Variants in TNFSF4 observed in about 807,000 individuals in gnomAD.
TNFSF4 encodes the protein TNF superfamily member 4.
In TNFSF4, 4 loss-of-function variants were observed where a neutral mutation model predicts 7.3. The ratio of observed to expected loss-of-function variants is 0.55; its 90% confidence interval spans 0.27 to 1.25. The LOEUF is 1.25. TNFSF4 is among the 50% of genes most tolerant of loss of function. The pLI, the probability that TNFSF4 is intolerant of heterozygous loss-of-function variation, is 0.12. For synonymous variants in TNFSF4, 76 were observed against 83.7 expected (o/e 0.91, Z 0.50); for missense variants, 181 against 208.8 (o/e 0.87, Z 0.82).
At chr1:173,384,850 ACTACTTAC>A in the TNFSF4 span, among the ~76,000 whole-genome samples, 2 of 152,206 alleles carry the variant, frequency 1.3e-5, no homozygotes, top group South Asian at 4.1e-4. Context: ...TTTATGTGCT[ACTACTTAC>A]CTATGTTAAA....
chr1:173,326,367 C>T, the TNFSF4 span, among the ~76,000 whole-genome samples: 1 of 152,138 alleles, frequency 6.6e-6, no homozygotes, highest in African/African-American at 2.4e-5. Flanking sequence ...GGATGTATCT[C>T]AAAATAATAA....
chr1:173,417,286 T>C, the TNFSF4 span, among the ~76,000 whole-genome samples: 1 of 152,320 alleles, frequency 6.6e-6, no homozygotes, highest in South Asian at 2.1e-4. Context: ...GTGGGAATAA[T>C]GAAATACCCG....
chr1:173,415,715 C>T, the TNFSF4 span, among the ~76,000 whole-genome samples: 1 of 152,216 alleles, frequency 6.6e-6, no homozygotes, highest in Non-Finnish European at 1.5e-5. Context: ...ACAATGGCTC[C>T]CTCACAGGTG....
At chr1:173,449,464 C>T in the TNFSF4 span, among the ~76,000 whole-genome samples, 1 of 151,910 alleles carries the variant, frequency 6.6e-6, no homozygotes, top group South Asian at 2.1e-4. Context: ...AAGAATCCTC[C>T]CACCTTAGTC....
At chr1:173,287,298 G>T in the TNFSF4 span, among the ~76,000 whole-genome samples, 4 of 152,196 alleles carry the variant, frequency 2.6e-5, no homozygotes, top group African/African-American at 9.7e-5. Context: ...TTGTGCCACT[G>T]CACTCCAACC....
the TNFSF4 span, among the ~76,000 whole-genome samples, chr1:173,266,838 C>G: frequency 6.6e-6 from 1 of 152,068 alleles, no homozygotes; most frequent in Non-Finnish European, 1.5e-5. Context: ...TTTGGGGGAT[C>G]CAGGAACTAC....
chr1:173,405,272 C>G, the TNFSF4 span, among the ~76,000 whole-genome samples: 1 of 152,230 alleles, frequency 6.6e-6, no homozygotes, highest in African/African-American at 2.4e-5. Context: ...CACACTAACA[C>G]ACAAAATGGG....
chr1:173,259,817 C>T, the TNFSF4 span, among the ~76,000 whole-genome samples: 1 of 152,020 alleles, frequency 6.6e-6, no homozygotes, highest in Non-Finnish European at 1.5e-5. Context: ...AAGGAATGAA[C>T]AAAACTTCTA....
chr1:173,391,617 C>T, the TNFSF4 span, among the ~76,000 whole-genome samples: 1 of 152,062 alleles, frequency 6.6e-6, no homozygotes, highest in Non-Finnish European at 1.5e-5. Context: ...TCCTCCCACC[C>T]CCTGAGAAAG....
At chr1:173,218,131 G>A in the TNFSF4 span, among the ~76,000 whole-genome samples, 4 of 152,112 alleles carry the variant, frequency 2.6e-5, no homozygotes, top group East Asian at 1.9e-4. Context: ...GGATGATGCC[G>A]TCACACCTCT....
the TNFSF4 span, among the ~76,000 whole-genome samples, chr1:173,313,305 G>C: frequency 2.0e-5 from 3 of 152,086 alleles, no homozygotes; most frequent in African/African-American, 7.2e-5. Context: ...CATTTTAATA[G>C]AAAGTTTAAA....
the TNFSF4 span, among the ~76,000 whole-genome samples, chr1:173,370,375 C>T: frequency 1.3e-5 from 2 of 152,198 alleles, no homozygotes; most frequent in African/African-American, 2.4e-5. Context: ...AGCAAGCCAT[C>T]CCCAGTATGG....
chr1:173,202,698 TA>T (rs1218223593), intron 1 of TNFSF4, among the ~76,000 whole-genome samples: 1 of 152,180 alleles, frequency 6.6e-6, no homozygotes, highest in Non-Finnish European at 1.5e-5. Context: ...CGTGTTCCTT[TA>T]GCATGATTCA....
chr1:173,223,473 G>T, the TNFSF4 span, among the ~76,000 whole-genome samples: 1 of 151,732 alleles, frequency 6.6e-6, no homozygotes, highest in Admixed American at 6.6e-5. Flanking sequence ...ATAAGCTAAA[G>T]AAAATAGTGA....
chr1:173,396,359 A>G, the TNFSF4 span, among the ~76,000 whole-genome samples: 1 of 152,024 alleles, frequency 6.6e-6, no homozygotes, highest in Admixed American at 6.6e-5. Flanking sequence ...AAAATTTTAA[A>G]AATTAGCCAG....
At chr1:173,318,301 G>C in the TNFSF4 span, among the ~76,000 whole-genome samples, 1 of 141,574 alleles carries the variant, frequency 7.1e-6, no homozygotes, top group Non-Finnish European at 1.5e-5. Flanking sequence ...TTAGCCGGAC[G>C]TGGTGGCAGG....
the TNFSF4 span, among the ~76,000 whole-genome samples, chr1:173,424,843 T>C: frequency 6.6e-6 from 1 of 152,256 alleles, no homozygotes; most frequent in African/African-American, 2.4e-5. Flanking sequence ...CTACATGACC[T>C]CAGGCAAATT....
chr1:173,238,929 CA>C, the TNFSF4 span, among the ~76,000 whole-genome samples: 3 of 152,056 alleles, frequency 2.0e-5, no homozygotes, highest in African/African-American at 7.2e-5. Flanking sequence ...GGATAGAGAA[CA>C]AAATAATTGG....
At chr1:173,244,776 G>A in the TNFSF4 span, among the ~76,000 whole-genome samples, 1 of 151,572 alleles carries the variant, frequency 6.6e-6, no homozygotes, top group Non-Finnish European at 1.5e-5. Flanking sequence ...TACACAATAA[G>A]TTACTTTGTA....
Sources: gnomAD v4.1 joint callset for allele counts (sites outside exome capture counted in the v4.1 genomes callset) on GRCh38, gnomAD v4.1.1 for gene constraint, MANE v1.5 for transcripts, NCBI Gene and HGNC (gene_info 2026-07-23, HGNC 2026-07-21) for gene names.